SAMD12: variants seen among roughly 807,000 people sequenced by gnomAD.
The protein encoded by SAMD12 is sterile alpha motif domain containing 12, also known as sterile alpha motif domain-containing protein 12.
SAMD12 carries 9 observed loss-of-function variants against 15.0 expected under a neutral mutation model. That is an observed-to-expected ratio of 0.60 (90% CI 0.36 to 1.05). The LOEUF is 1.05. SAMD12 is among the 50% of genes least tolerant of loss of function. SAMD12 has a pLI of 0.01. For missense variants in SAMD12, 230 were observed against 234.2 expected, an observed-to-expected ratio of 0.98 and a Z score of 0.12; for synonymous variants, 86 against 90.1, an observed-to-expected ratio of 0.96 and a Z score of 0.25.
chr8:118,488,708 G>C (rs1049725221), intron 2 of SAMD12, among the ~76,000 whole-genome samples: 3 of 152,072 alleles, frequency 2.0e-5, no homozygotes, highest in Admixed American at 2.0e-4. Context: ...CATTCTTACT[G>C]TGCAGAGACT....
chr8:118,302,667 T>C (rs905574608), intron 4 of SAMD12, among the ~76,000 whole-genome samples: 12 of 152,194 alleles, frequency 7.9e-5, no homozygotes, highest in Non-Finnish European at 1.6e-4. Flanking sequence ...ACTCTGTTGA[T>C]CTTGAAATGT....
chr8:118,525,434 G>T (rs1172323324), intron 2 of SAMD12, among the ~76,000 whole-genome samples: 2 of 152,034 alleles, frequency 1.3e-5, no homozygotes, highest in African/African-American at 2.4e-5. Flanking sequence ...AACCCCTATA[G>T]AATGCAAGTG....
chr8:118,363,018 G>A lies in SAMD12; in HGVS notation c.433+16542C>T, dbSNP rs115854729. On this transcript the variant is annotated intron_variant, in intron 4 of 4. Coordinates refer to the SAMD12 transcript ENST00000409003. ...AAAAATGCAAAATGGAAGATGGAGG[G>A]TGATAACTATGTTTTGATAAGCAAG... Among the ~76,000 whole-genome samples the A allele has an allele frequency of 5.3e-3, 806 of 152,282 alleles. 3 individuals carry two copies. The highest frequency in any genetic ancestry group is 0.017 in the African/African-American group (707 of 41,558).
intron 1 of SAMD12, among the ~76,000 whole-genome samples, chr8:118,601,561 C>T (rs1299711756): frequency 3.3e-5 from 5 of 152,130 alleles, no homozygotes; most frequent in Non-Finnish European, 5.9e-5. Context: ...GTTCAAACAT[C>T]GTTACTCATT....
chr8:118,205,339 A>G (rs1408276137), intron 4 of SAMD12, among the ~76,000 whole-genome samples: 3 of 152,268 alleles, frequency 2.0e-5, no homozygotes, highest in African/African-American at 4.8e-5. Context: ...CAGAGTCTAC[A>G]GATAACACAA....
At chr8:118,255,689 A>G (rs957952503) in intron 4 of SAMD12, among the ~76,000 whole-genome samples, 2 of 151,070 alleles carry the variant, frequency 1.3e-5, no homozygotes, top group Non-Finnish European at 2.9e-5. Flanking sequence ...TGAACTCATC[A>G]TTTTTCATGG....
At chr8:118,550,216 C>A (rs569452586) in intron 2 of SAMD12, among the ~76,000 whole-genome samples, 3 of 152,096 alleles carry the variant, frequency 2.0e-5, no homozygotes, top group African/African-American at 7.2e-5. Context: ...AACTCCAAGA[C>A]ACATAATTGT....
chr8:118,530,777 G>A (rs568494229), intron 2 of SAMD12, among the ~76,000 whole-genome samples: 26 of 152,172 alleles, frequency 1.7e-4, no homozygotes, highest in Non-Finnish European at 3.8e-4. Context: ...TATTCTCCCA[G>A]GCCAATATCT....
chr8:118,388,759 G>T (rs1267423280), intron 3 of SAMD12, among the ~76,000 whole-genome samples: 1 of 152,126 alleles, frequency 6.6e-6, no homozygotes, highest in Non-Finnish European at 1.5e-5. Flanking sequence ...CTTCAACTAT[G>T]TCCCAAGGGA....
At chr8:118,274,481 G>T (rs1813429476) in intron 4 of SAMD12, among the ~76,000 whole-genome samples, 1 of 152,234 alleles carries the variant, frequency 6.6e-6, no homozygotes, top group South Asian at 2.1e-4. Flanking sequence ...GTAGAGTCTA[G>T]CTAAGAACAA....
the SAMD12 span, among the ~76,000 whole-genome samples, chr8:118,165,631 T>C: frequency 2.9e-5 from 4 of 139,010 alleles, no homozygotes; most frequent in African/African-American, 1.2e-4. Context: ...TATATATATA[T>C]ATATACATAT....
the SAMD12 span, among the ~76,000 whole-genome samples, chr8:118,166,516 A>G: frequency 6.6e-6 from 1 of 152,224 alleles, no homozygotes; most frequent in African/African-American, 2.4e-5. Context: ...CTCTGTCACA[A>G]AAAATTAATG....
chr8:118,612,387 C>T (rs1173656732), intron 1 of SAMD12, among the ~76,000 whole-genome samples: 1 of 151,438 alleles, frequency 6.6e-6, no homozygotes, highest in African/African-American at 2.4e-5. Context: ...AGTGGCATTT[C>T]TGGGCTATAT....
At chr8:118,550,430 G>A (rs1193194081) in intron 2 of SAMD12, among the ~76,000 whole-genome samples, 1 of 152,190 alleles carries the variant, frequency 6.6e-6, no homozygotes, top group Non-Finnish European at 1.5e-5. Flanking sequence ...GCCAAATTAA[G>A]CTTCATAAGT....
chr8:118,153,886 C>A, the SAMD12 span, among the ~76,000 whole-genome samples: 1 of 152,098 alleles, frequency 6.6e-6, no homozygotes, highest in South Asian at 2.1e-4. Flanking sequence ...TTTTCTTCAT[C>A]CCGTCATCCA....
intron 4 of SAMD12, among the ~76,000 whole-genome samples, chr8:118,253,478 T>C (rs1051330332): frequency 2.0e-5 from 3 of 152,212 alleles, no homozygotes; most frequent in African/African-American, 7.2e-5. Flanking sequence ...CTTTTTGTAT[T>C]TATGAGGATA....
At chr8:118,536,443 AACACAC>A (rs1165508519) in intron 2 of SAMD12, among the ~76,000 whole-genome samples, 202 of 140,870 alleles carry the variant, frequency 1.4e-3, no homozygotes, top group Non-Finnish European at 1.5e-3. Flanking sequence ...CTGATACACA[AACACAC>A]ACACACACAC....
intron 2 of SAMD12, among the ~76,000 whole-genome samples, chr8:118,531,609 A>G (rs1825686663): frequency 6.6e-6 from 1 of 152,178 alleles, no homozygotes; most frequent in South Asian, 2.1e-4. Flanking sequence ...TTTGTTGAGC[A>G]GTAGTTTGTA....
intron 3 of SAMD12, among the ~76,000 whole-genome samples, chr8:118,403,731 C>T (rs1040232633): frequency 1.3e-5 from 2 of 152,118 alleles, no homozygotes; most frequent in Non-Finnish European, 2.9e-5. Context: ...TGAGATTTGT[C>T]AGGTCTATCA....
Sources: allele counts gnomAD v4.1 joint callset (sites outside exome capture counted in the v4.1 genomes callset), GRCh38; gene constraint gnomAD v4.1.1; transcripts MANE v1.5; gene names NCBI Gene and HGNC (gene_info 2026-07-23, HGNC 2026-07-21).